The following SDK1 variants were observed in gnomAD, a reference collection of about 807,000 sequenced individuals.
SDK1 encodes sidekick cell adhesion molecule 1.
In SDK1, 157 loss-of-function variants were observed where a neutral mutation model predicts 245.5. That is an observed-to-expected ratio of 0.64 (90% CI 0.56 to 0.73). The LOEUF (loss-of-function observed/expected upper bound fraction) is 0.73, where lower values mean the gene tolerates loss of function less well. Ranked by LOEUF, SDK1 falls within the 30% of genes least tolerant of loss-of-function variation. The pLI is 0.00. For synonymous variants in SDK1, 1,647 were observed against 1,278.5 expected (o/e 1.29, Z -6.15); for missense variants, 3,583 against 3,002.3 (o/e 1.19, Z -4.52).
intron 17 of SDK1, among the ~76,000 whole-genome samples, chr7:4,042,392 G>A (rs1788698162): frequency 7.3e-6 from 1 of 136,742 alleles, no homozygotes; most frequent in South Asian, 2.2e-4. Flanking sequence ...ATTATTCCCT[G>A]AGTGTCGGGG....
intron 6 of SDK1, 82 bp downstream of exon 6, chr7:3,951,116 C>T: frequency 9.6e-7 from 1 of 1,046,600 alleles, no homozygotes; most frequent in Non-Finnish European, 1.5e-6. Context: ...TACACTGGAG[C>T]ATGAGGTTCA....
At chr7:3,468,952 A>G (rs1781096704) in intron 1 of SDK1, among the ~76,000 whole-genome samples, 1 of 152,178 alleles carries the variant, frequency 6.6e-6, no homozygotes, top group Non-Finnish European at 1.5e-5. Flanking sequence ...CTTTTAACAC[A>G]ATTTAGGTAT....
intron 5 of SDK1, among the ~76,000 whole-genome samples, chr7:3,930,796 G>A (rs575937684): frequency 5.4e-5 from 8 of 148,650 alleles, no homozygotes; most frequent in Admixed American, 2.7e-4. Context: ...CTGTCTCACC[G>A]AAAAGAAAAG....
intron 20 of SDK1, among the ~76,000 whole-genome samples, chr7:4,071,452 G>A (rs1211776111): frequency 6.6e-6 from 1 of 152,188 alleles, no homozygotes; most frequent in East Asian, 1.9e-4. Flanking sequence ...ACTAGAATTG[G>A]ACACAATCTG....
chr7:3,924,539 C>T (rs551280579), intron 5 of SDK1, among the ~76,000 whole-genome samples: 3 of 152,232 alleles, frequency 2.0e-5, no homozygotes, highest in South Asian at 2.1e-4. Flanking sequence ...GGAGAATGAC[C>T]GATGCTGCCA....
At chr7:4,093,385 T>C (rs576702670) in intron 22 of SDK1, among the ~76,000 whole-genome samples, 1 of 149,774 alleles carries the variant, frequency 6.7e-6, no homozygotes, top group Non-Finnish European at 1.5e-5. Flanking sequence ...CTGAGCAGAG[T>C]TTTCCATAAT....
chr7:3,797,549 T>C (rs527587811), intron 4 of SDK1, among the ~76,000 whole-genome samples: 3 of 152,222 alleles, frequency 2.0e-5, no homozygotes, highest in African/African-American at 7.2e-5. Flanking sequence ...TGCTTTACTC[T>C]ATGTTTTCAT....
chr7:3,638,036 A>G (rs1280038469), intron 2 of SDK1, among the ~76,000 whole-genome samples: 1 of 152,254 alleles, frequency 6.6e-6, no homozygotes, highest in Non-Finnish European at 1.5e-5. Flanking sequence ...ATTATAAACG[A>G]TTTTTGATTG....
In SDK1 at chr7:3,515,843, T is replaced by C. The variant is rs541844625; in HGVS notation, c.299-103237T>C. 5.3e-5 allele frequency among the ~76,000 whole-genome samples: 8 copies of C among 152,298 alleles called. No homozygotes were observed. In the East Asian group the frequency reaches 9.6e-4, roughly 18 times the overall value. On this transcript the variant is annotated intron_variant, in intron 1 of 44. Coordinates refer to ENST00000404826, the MANE Select transcript of SDK1 (RefSeq NM_152744.4). ...CCTTATTTTGATCAGTTTTTGAAGA[T>C]TGAAACAAAACTAATGAAAAATATT...
intron 4 of SDK1, among the ~76,000 whole-genome samples, chr7:3,703,531 C>T (rs1447708840): frequency 2.6e-5 from 4 of 152,108 alleles, no homozygotes; most frequent in East Asian, 3.9e-4. Context: ...TGTGGCTGGA[C>T]TGTAGTGGTG....
In SDK1 at chr7:4,183,956, C is replaced by T. The variant is rs187242538; in HGVS notation, c.5098+5370C>T. Among the ~76,000 whole-genome samples the T allele has an allele frequency of 2.2e-4, 33 of 152,332 alleles. No individual in the cohort carries two copies. In the East Asian group the frequency reaches 6.2e-3, roughly 29 times the overall value. On this transcript the variant is annotated intron_variant, in intron 35 of 44. Transcript: ENST00000404826. Reference sequence around the variant, plus strand: ...TGGCAGTGCCAACCCTGCAAGTGGACATCTCAGTTGTTTGGCCTCAGCACA... The same window carrying T: ...TGGCAGTGCCAACCCTGCAAGTGGATATCTCAGTTGTTTGGCCTCAGCACA...
chr7:4,241,015 G>A (rs972382665), intron 42 of SDK1, among the ~76,000 whole-genome samples: 1 of 152,206 alleles, frequency 6.6e-6, no homozygotes, highest in Non-Finnish European at 1.5e-5. Flanking sequence ...GGAAAACCCA[G>A]TGCAATTATT....
intron 14 of SDK1, among the ~76,000 whole-genome samples, chr7:3,988,841 G>T (rs951818050): frequency 1.3e-5 from 2 of 152,036 alleles, no homozygotes; most frequent in African/African-American, 4.8e-5. Context: ...GCATGATCTC[G>T]GCTCACTACA....
intron 35 of SDK1, among the ~76,000 whole-genome samples, chr7:4,182,065 G>T (rs563336089): frequency 2.0e-5 from 3 of 152,104 alleles, no homozygotes; most frequent in African/African-American, 7.2e-5. Flanking sequence ...GATTACAGGC[G>T]CCCGCCACCA....
intron 1 of SDK1, among the ~76,000 whole-genome samples, chr7:3,503,398 G>T (rs989920824): frequency 6.6e-6 from 1 of 152,204 alleles, no homozygotes; most frequent in African/African-American, 2.4e-5. Context: ...AACAACTTCA[G>T]GTGGGGTGTG....
chr7:3,551,387 T>A (rs550574212), intron 1 of SDK1, among the ~76,000 whole-genome samples: 1 of 152,316 alleles, frequency 6.6e-6, no homozygotes, highest in African/African-American at 2.4e-5. Context: ...TGGTAAAGTT[T>A]TCATATCCAA....
At position 3,801,625 on chromosome 7, in the gene SDK1, C is replaced by G. The variant is rs76939866; in HGVS notation, c.714-19825C>G. On this transcript the variant is annotated intron_variant, in intron 4 of 44. Coordinates refer to ENST00000404826, the MANE Select transcript of SDK1 (RefSeq NM_152744.4). ...TGGGAGGGATGGATTGATGATGAGTCCTTCTCATTGATAAGGACCCTGAGC... is the reference window on the plus strand; with the variant it reads ...TGGGAGGGATGGATTGATGATGAGTGCTTCTCATTGATAAGGACCCTGAGC... 2.3e-3 allele frequency among the ~76,000 whole-genome samples: 345 copies of G among 152,256 alleles called. 2 individuals carry two copies. The highest frequency in any genetic ancestry group is 8.1e-3 in the African/African-American group (335 of 41,538).
intron 14 of SDK1, among the ~76,000 whole-genome samples, chr7:3,994,823 T>G (rs2128142218): frequency 6.6e-6 from 1 of 152,272 alleles, no homozygotes; most frequent in East Asian, 1.9e-4. Flanking sequence ...CCCATCACTG[T>G]GATCCATGGA....
chr7:4,236,212 G>A (rs901240093), intron 41 of SDK1, among the ~76,000 whole-genome samples: 1 of 152,214 alleles, frequency 6.6e-6, no homozygotes, highest in African/African-American at 2.4e-5. Flanking sequence ...CTTTGCCTGT[G>A]AGAGGCTTTC....
Sources: gnomAD v4.1 joint callset for allele counts (sites outside exome capture counted in the v4.1 genomes callset) on GRCh38, gnomAD v4.1.1 for gene constraint, MANE v1.5 for transcripts, NCBI Gene and HGNC (gene_info 2026-07-23, HGNC 2026-07-21) for gene names.